The following CCNI variants were observed in gnomAD, a reference collection of about 807,000 sequenced individuals.
CCNI encodes the protein cyclin-I.
CCNI carries 14 observed loss-of-function variants against 34.1 expected under a neutral mutation model. The ratio of observed to expected loss-of-function variants is 0.41; its 90% CI spans 0.27 to 0.64. The LOEUF (loss-of-function observed/expected upper bound fraction) is 0.64. Among genes scored for constraint, CCNI ranks in the 30% least tolerant of loss-of-function variants. The pLI is 0.31. For missense variants in CCNI, 385 were observed against 440.5 expected (o/e 0.87, Z 1.13); for synonymous variants, 154 against 158.4 (o/e 0.97, Z 0.21).
intron 2 of CCNI, among the ~76,000 whole-genome samples, chr4:77,062,129 C>CTTA (rs4252846): frequency 6.6e-6 from 1 of 151,780 alleles, no homozygotes; most frequent in African/African-American, 2.4e-5. Flanking sequence ...ACTCCCTTCT[C>CTTA]TCTCACCTGC....
rs749198496 is a variant in CCNI at position 77,048,227 on chromosome 4, C to G, written c.1126G>C (p.Val376Leu). ...SPCPPLQPVS[V>L]M Reference sequence around the variant, plus strand: ...GGTAGCACTTGTTGAAACTACATGACAGAAACAGGCTGCAAAGGTGGACAA... The same window carrying G: ...GGTAGCACTTGTTGAAACTACATGAGAGAAACAGGCTGCAAAGGTGGACAA... Residue 376 changes from valine (V) to leucine (L), a missense_variant, in exon 7 of 7, where the codon GTC becomes CTC. Val to Leu is a conservative substitution (Grantham distance 32, BLOSUM62 1). Transcript: ENST00000237654. 6.2e-7 allele frequency: 1 copy of G among 1,612,590 alleles called. No individual in the cohort carries two copies. Among genetic ancestry groups the G allele is most frequent in the Admixed American group, 1.7e-5 (1 of 59,930 alleles).
At chr4:77,057,418 G>A (rs1164891949) in intron 3 of CCNI, among the ~76,000 whole-genome samples, 1 of 152,146 alleles carries the variant, frequency 6.6e-6, no homozygotes, top group East Asian at 1.9e-4. Context: ...GTCCTGTCAT[G>A]TTTAGTAAGT....
intron 3 of CCNI, 66 bp from the exon 4 acceptor site, chr4:77,056,389 CTG>C (rs1268144339): frequency 6.4e-6 from 8 of 1,248,940 alleles, no homozygotes; most frequent in Non-Finnish European, 8.2e-6. Context: ...CTTTTTGTAA[CTG>C]TTTTAAAAAC....
chr4:77,064,673 T>G (rs1728895138), intron 2 of CCNI: 1 of 148,718 alleles, frequency 6.7e-6, no homozygotes, highest in Middle Eastern at 3.2e-3. Context: ...AATTATAATT[T>G]TTTTTCTTTT....
In CCNI at chr4:77,072,238, TA is replaced by T. The variant is rs527913969; in HGVS notation, c.-44+3233del. Among the ~76,000 whole-genome samples the T allele has an allele frequency of 4.9e-3, 738 of 151,292 alleles. 11 individuals carry two copies. The highest frequency in any genetic ancestry group is 0.026 in the South Asian group (123 of 4,784). On this transcript the variant is annotated intron_variant, in intron 1 of 6. Transcript: ENST00000237654. ...AATCAACGCAATACATTATCAATAG[TA>T]AAAAAAAGAATCACTCTTTGCTCAC...
intron 6 of CCNI, among the ~76,000 whole-genome samples, chr4:77,049,079 C>T (rs960298235): frequency 2.8e-5 from 4 of 141,790 alleles, no homozygotes; most frequent in Non-Finnish European, 4.5e-5. Flanking sequence ...CTCATAAACA[C>T]ATTCATTAAA....
At chr4:77,064,163 A>G (rs1442554782) in intron 2 of CCNI, among the ~76,000 whole-genome samples, 1 of 151,922 alleles carries the variant, frequency 6.6e-6, no homozygotes, top group African/African-American at 2.4e-5. Context: ...GAATCACTTG[A>G]GCCCGGGAGG....
chr4:77,056,435 T>C (rs1454021136), intron 3 of CCNI, 112 bp from the exon 4 acceptor site: 1 of 705,678 alleles, frequency 1.4e-6, no homozygotes, highest in African/African-American at 1.8e-5. Flanking sequence ...ATACACAAAA[T>C]ACTATGGAAT....
chr4:77,055,326 A>G lies in CCNI; in HGVS notation c.514T>C (p.Leu172=). 1 of 1,614,252 alleles carries G rather than the reference A, an allele frequency of 6.2e-7. No homozygotes were observed. Among genetic ancestry groups the G allele is most frequent in the African/African-American group, 1.3e-5 (1 of 75,072 alleles). ...ACTGCCAAATGTTGAGATGGGCTCA[A>G]TTTGGGCAAACTGAAAAGTAACTGA... The part of the protein sequence containing the change: ...RPQLLFSLPK[L]SPSQHLAVLT... Residue 172 remains leucine (L), a synonymous_variant, in exon 6 of 7, where the codon TTG becomes CTG. Coordinates refer to ENST00000237654, the MANE Select transcript of CCNI (RefSeq NM_006835.3).
intron 2 of CCNI, among the ~76,000 whole-genome samples, chr4:77,059,853 T>C: frequency 6.6e-6 from 1 of 152,132 alleles, no homozygotes; most frequent in East Asian, 1.9e-4. Context: ...TCAAGAGAAA[T>C]TAAATTCCTA....
In CCNI at chr4:77,056,358, G is replaced by C. The variant is rs145127291; in HGVS notation, c.244-35C>G. The C allele has an allele frequency of 1.1e-4, 165 of 1,503,152 alleles. No individual in the cohort carries two copies. The East Asian group carries it at 3.7e-3, about 33-fold the overall frequency. 93.1% of individuals were successfully genotyped at this position (1,503,152 alleles called of 1,614,324 possible). A position where few individuals can be genotyped will look rare whatever the true frequency, so the allele number is the denominator to read the frequency against. The stretch of plus-strand genomic sequence containing the variant: ...TGAAGAGGGAAAAAGCAACTTTAGT[G>C]ATTTTTCAAAAACAATTTAACTTTT... On this transcript the variant is annotated intron_variant, in intron 3 of 6. Transcript: ENST00000237654.
intron 2 of CCNI, among the ~76,000 whole-genome samples, chr4:77,060,749 C>T (rs1211769209): frequency 2.0e-5 from 3 of 152,072 alleles, no homozygotes; most frequent in East Asian, 1.9e-4. Context: ...CTCAGCCTCC[C>T]AAGTAGCTGG....
chr4:77,057,087 T>C (rs1728296058), intron 3 of CCNI, among the ~76,000 whole-genome samples: 1 of 152,246 alleles, frequency 6.6e-6, no homozygotes, highest in Non-Finnish European at 1.5e-5. Flanking sequence ...TAAACATTTT[T>C]TAAAGCTAAT....
At chr4:77,071,576 T>G (rs992546907) in intron 1 of CCNI, among the ~76,000 whole-genome samples, 1 of 152,194 alleles carries the variant, frequency 6.6e-6, no homozygotes, top group African/African-American at 2.4e-5. Flanking sequence ...GCTGATTGTT[T>G]GAAAAGATCA....
chr4:77,048,641 G>C lies in CCNI; in HGVS notation c.712C>G (p.His238Asp). 1 of 1,542,922 alleles carries C rather than the reference G, an allele frequency of 6.5e-7. No individual in the cohort carries two copies. Among genetic ancestry groups the C allele is most frequent in the Non-Finnish European group, 8.7e-7 (1 of 1,143,506 alleles). ...KAQMDSSQLI[H>D]CRELVAHHLS... is the part of the protein sequence containing the mutation. ...TGATGTGCCACAAGCTCCCGACAATGGATCAACTGGGAGCTATCCATCTGG... is the reference window on the plus strand; with the variant it reads ...TGATGTGCCACAAGCTCCCGACAATCGATCAACTGGGAGCTATCCATCTGG... The change falls in exon 7 of 7, where the codon CAT becomes GAT. Residue 238 changes from histidine (H) to aspartate (D), a missense_variant. Transcript: ENST00000237654.
At position 77,075,601 on chromosome 4, in the gene CCNI, G is replaced by A. The variant is rs1449156024; in HGVS notation, c.-173C>T. The A allele has an allele frequency of 1.4e-5, 14 of 986,370 alleles. No homozygotes were observed. The highest frequency in any genetic ancestry group is 1.7e-5 in the Non-Finnish European group (14 of 828,894). 61.1% of individuals were successfully genotyped at this position (986,370 alleles called of 1,614,324 possible). On this transcript the variant is annotated 5_prime_UTR_variant, in exon 1 of 7. Transcript: ENST00000237654. ...CGCGCGGAGGCGGTGCGCGCGGGACGACTCGGCCAACTGAGGAGGGAGAAA... is the reference window on the plus strand; with the variant it reads ...CGCGCGGAGGCGGTGCGCGCGGGACAACTCGGCCAACTGAGGAGGGAGAAA...
At chr4:77,063,387 A>G (rs1440283270) in intron 2 of CCNI, among the ~76,000 whole-genome samples, 2 of 150,984 alleles carry the variant, frequency 1.3e-5, no homozygotes, top group Non-Finnish European at 2.9e-5. Flanking sequence ...CCTTAGAGGA[A>G]AATAAGAGTT....
chr4:77,048,959 T>G (rs1727640754), intron 6 of CCNI, among the ~76,000 whole-genome samples: 1 of 136,538 alleles, frequency 7.3e-6, no homozygotes, highest in African/African-American at 3.0e-5. Context: ...GTATCCAACG[T>G]CTGTTTTTTT....
chr4:77,055,249 G>A lies in CCNI; in HGVS notation c.591C>T (p.Phe197=). Residue 197 remains phenylalanine (F), a synonymous_variant, in exon 6 of 7, where the codon TTC becomes TTT. Transcript: ENST00000237654. The part of the protein sequence containing the change: ...HCMACNQLLQ[F]RGSMLALAMV... Reference sequence around the variant, plus strand: ...TGGCCAGAGCAAGCATGGATCCTCTGAATTGCAGAAGTTGGTTGCAGGCCA... The same window carrying A: ...TGGCCAGAGCAAGCATGGATCCTCTAAATTGCAGAAGTTGGTTGCAGGCCA... 3.1e-6 allele frequency: 5 copies of A among 1,614,106 alleles called. No homozygotes were observed. The highest frequency in any genetic ancestry group is 4.2e-6 in the Non-Finnish European group (5 of 1,179,948).
Sources: gnomAD v4.1 joint callset for allele counts (sites outside exome capture counted in the v4.1 genomes callset) on GRCh38, gnomAD v4.1.1 for gene constraint, MANE v1.5 for transcripts, NCBI Gene and HGNC (gene_info 2026-07-23, HGNC 2026-07-21) for gene names.